The following CSMD1 variants were observed in gnomAD, a reference collection of about 807,000 sequenced individuals.
CSMD1 encodes the protein CUB and Sushi multiple domains 1.
A neutral mutation model predicts 417.5 loss-of-function variants in CSMD1; 213 were observed. That is an observed-to-expected ratio of 0.51 (90% CI 0.46 to 0.57). The LOEUF is 0.57. Among genes scored for constraint, CSMD1 ranks in the 20% least tolerant of loss-of-function variants. The pLI, the probability that CSMD1 is intolerant of heterozygous loss-of-function variation, is 0.00. For synonymous variants in CSMD1, 2,862 were observed against 1,736.8 expected (o/e 1.65, Z -16.11); for missense variants, 6,923 against 4,529.7 (o/e 1.53, Z -15.17).
chr8:3,235,149 C>A (rs1799076728), intron 26 of CSMD1, among the ~76,000 whole-genome samples: 2 of 152,104 alleles, frequency 1.3e-5, no homozygotes, highest in South Asian at 4.1e-4. Flanking sequence ...GTGATAGTCA[C>A]TGTAAATATC....
At chr8:4,687,125 A>G (rs1027932087) in intron 1 of CSMD1, among the ~76,000 whole-genome samples, 3 of 152,226 alleles carry the variant, frequency 2.0e-5, no homozygotes, top group African/African-American at 7.2e-5. Context: ...GCCATAGCAC[A>G]CAGACCATGG....
intron 2 of CSMD1, among the ~76,000 whole-genome samples, chr8:4,427,324 G>T (rs569789899): frequency 1.3e-5 from 2 of 152,154 alleles, no homozygotes; most frequent in Admixed American, 6.5e-5. Flanking sequence ...ACTGGATGCA[G>T]TGAGTTACAT....
At chr8:4,786,998 C>T (rs1230426082) in intron 1 of CSMD1, among the ~76,000 whole-genome samples, 1 of 152,144 alleles carries the variant, frequency 6.6e-6, no homozygotes, top group Non-Finnish European at 1.5e-5. Context: ...TGGAGAGACC[C>T]CGTGTGTGTG....
chr8:3,307,764 T>G lies in CSMD1; in HGVS notation c.3881A>C (p.Tyr1294Ser). 6.2e-7 allele frequency: 1 copy of G among 1,613,762 alleles called. No homozygotes were observed. The highest frequency in any genetic ancestry group is 8.5e-7 in the Non-Finnish European group (1 of 1,179,728). ...GAGGTTGTTGTCATACGGAGCTGGA[T>G]AGCCAGGGGACAATATTCGTCCTGA... ...ATSGRILSPG[Y>S]PAPYDNNLHC... Residue 1294 changes from tyrosine to serine, a missense_variant, in exon 25 of 70, where the codon TAT (tyrosine) becomes TCT (serine). Coordinates refer to ENST00000635120, the MANE Select transcript of CSMD1 (RefSeq NM_033225.6).
Position 4,113,192 on chromosome 8 carries a change from T to G in CSMD1, c.416-81093A>C, listed in dbSNP as rs558304577. On this transcript the variant is annotated intron_variant, in intron 3 of 69. Transcript: ENST00000635120. ...CCTAGCCCCAGAGACACAACAATAT[T>G]GAAATTCGGACAGTTAAAAATCCTA... is the stretch of plus-strand genomic sequence containing the variant. Among the ~76,000 whole-genome samples, 87 of 152,142 alleles carry G rather than the reference T, an allele frequency of 5.7e-4. 2 individuals are homozygous for G. The highest frequency in any genetic ancestry group is 1.9e-3 in the African/African-American group (80 of 41,514).
chr8:3,757,990 G>C (rs1797759064), intron 5 of CSMD1, among the ~76,000 whole-genome samples: 2 of 152,056 alleles, frequency 1.3e-5, no homozygotes, highest in African/African-American at 2.4e-5. Flanking sequence ...ATTTTTGACA[G>C]TCTTGCTCTG....
intron 6 of CSMD1, among the ~76,000 whole-genome samples, chr8:3,727,443 ATGAG>A (rs1802558706): frequency 6.6e-6 from 1 of 152,172 alleles, no homozygotes; most frequent in Admixed American, 6.6e-5. Flanking sequence ...ATATTCTAAC[ATGAG>A]GGTGACCAAT....
chr8:4,507,525 G>C (rs1301741329), intron 2 of CSMD1, among the ~76,000 whole-genome samples: 1 of 152,146 alleles, frequency 6.6e-6, no homozygotes, highest in Non-Finnish European at 1.5e-5. Flanking sequence ...ATTTTTAGGG[G>C]AGAAAATGAC....
At chr8:4,412,074 T>C (rs1198388442) in intron 3 of CSMD1, among the ~76,000 whole-genome samples, 3 of 152,026 alleles carry the variant, frequency 2.0e-5, no homozygotes, top group African/African-American at 7.2e-5. Flanking sequence ...AGTTCAGATA[T>C]TTCTCAACGT....
chr8:3,400,653 G>C (rs1420101677), intron 15 of CSMD1, among the ~76,000 whole-genome samples: 2 of 151,882 alleles, frequency 1.3e-5, no homozygotes, highest in South Asian at 2.1e-4. Context: ...CTTTGCAATA[G>C]AATGTTAAAC....
At chr8:4,455,436 G>A (rs143433781) in intron 2 of CSMD1, among the ~76,000 whole-genome samples, 252 of 152,134 alleles carry the variant, frequency 1.7e-3, no homozygotes, top group African/African-American at 5.3e-3. Context: ...AAATGATGGA[G>A]AAATGATACA....
At chr8:4,937,587 G>C (rs2117220070) in intron 1 of CSMD1, among the ~76,000 whole-genome samples, 1 of 152,268 alleles carries the variant, frequency 6.6e-6, no homozygotes, top group Middle Eastern at 3.4e-3. Flanking sequence ...ACAAAGATAG[G>C]AAAAGTCCCC....
intron 3 of CSMD1, among the ~76,000 whole-genome samples, chr8:4,099,187 TACAC>T (rs1184116801): frequency 6.8e-6 from 1 of 146,464 alleles, no homozygotes; most frequent in Non-Finnish European, 1.5e-5. Context: ...CACACACACA[TACAC>T]ACTCACACAC....
intron 3 of CSMD1, among the ~76,000 whole-genome samples, chr8:4,318,933 T>A (rs1799100074): frequency 6.6e-6 from 1 of 152,176 alleles, no homozygotes; most frequent in Admixed American, 6.6e-5. Flanking sequence ...TTAATTTTAC[T>A]CTCTTTATTA....
At chr8:2,940,108 C>T (rs990278692) in intron 69 of CSMD1, among the ~76,000 whole-genome samples, 1 of 152,204 alleles carries the variant, frequency 6.6e-6, no homozygotes, top group African/African-American at 2.4e-5. Context: ...AGAGCCAACT[C>T]ATCAAGAAAT....
intron 2 of CSMD1, among the ~76,000 whole-genome samples, chr8:4,424,816 G>A (rs908696231): frequency 5.3e-5 from 8 of 151,964 alleles, no homozygotes; most frequent in East Asian, 1.9e-4. Flanking sequence ...TAGTTTTGCC[G>A]GTGGTTTCCA....
intron 8 of CSMD1, among the ~76,000 whole-genome samples, chr8:3,599,933 C>T (rs528801612): frequency 1.9e-4 from 29 of 152,284 alleles, no homozygotes; most frequent in South Asian, 6.2e-4. Flanking sequence ...CACAGCAGGA[C>T]GTCTTAAAGC....
intron 1 of CSMD1, among the ~76,000 whole-genome samples, chr8:4,810,098 C>A (rs1049559101): frequency 6.6e-6 from 1 of 152,104 alleles, no homozygotes; most frequent in Admixed American, 6.5e-5. Context: ...ATTTCCTTAG[C>A]CTTTAGAAAC....
intron 5 of CSMD1, among the ~76,000 whole-genome samples, chr8:3,906,239 G>A (rs1001953162): frequency 6.6e-6 from 1 of 151,936 alleles, no homozygotes; most frequent in African/African-American, 2.4e-5. Context: ...AAATGCCATA[G>A]CATTGCATTA....
Sources: allele counts gnomAD v4.1 joint callset (sites outside exome capture counted in the v4.1 genomes callset), GRCh38; gene constraint gnomAD v4.1.1; transcripts MANE v1.5; gene names NCBI Gene and HGNC (gene_info 2026-07-23, HGNC 2026-07-21).